The following KCNMB2 variants were observed in gnomAD, a reference collection of about 807,000 sequenced individuals.
KCNMB2 encodes the protein potassium calcium-activated channel subfamily M regulatory beta subunit 2, also known as calcium-activated potassium channel subunit beta-2.
Under a neutral mutation model 24.5 loss-of-function variants are expected in KCNMB2, and 9 were observed. The observed-to-expected ratio is 0.37, with a 90% CI of 0.22 to 0.64. KCNMB2 has a LOEUF of 0.64. Ranked by LOEUF, KCNMB2 falls within the 30% of genes least tolerant of loss-of-function variation. The pLI, the probability that KCNMB2 is intolerant of heterozygous loss-of-function variation, is 0.63. For missense variants in KCNMB2, 226 were observed against 284.3 expected (o/e 0.79, Z 1.47); for synonymous variants, 109 against 104.4 (o/e 1.04, Z -0.27).
At chr3:178,831,708 T>C (rs1485112493) in intron 4 of KCNMB2, among the ~76,000 whole-genome samples, 3 of 152,038 alleles carry the variant, frequency 2.0e-5, no homozygotes, top group Non-Finnish European at 2.9e-5. Flanking sequence ...TGAGTACACA[T>C]GGACATAATG....
intron 1 of KCNMB2, among the ~76,000 whole-genome samples, chr3:178,717,939 G>A (rs1288935764): frequency 1.3e-5 from 2 of 151,270 alleles, no homozygotes; most frequent in Non-Finnish European, 2.9e-5. Flanking sequence ...AGAATCTGAA[G>A]TGAGATCACC....
Position 178,842,749 on chromosome 3 carries a change from T to C in KCNMB2, c.520T>C (p.Cys174Arg). 6.2e-7 allele frequency: 1 copy of C among 1,613,532 alleles called. No homozygotes were observed. Among genetic ancestry groups the C allele is most frequent in the Non-Finnish European group, 8.5e-7 (1 of 1,179,408 alleles). The change falls in exon 5 of 5, where the codon TGC becomes CGC. Residue 174 changes from cysteine (C) to arginine (R), a missense_variant. By Grantham distance (180) the Cys-to-Arg change is radical. Transcript: ENST00000452583. ...ENFRKYQHFSCYSDPEGNQKS... is the reference protein window; with the variant it reads ...ENFRKYQHFSRYSDPEGNQKS... ...CTTCAGGAAGTATCAACACTTCTCC[T>C]GCTATTCTGACCCAGAAGGAAACCA... is the stretch of plus-strand genomic sequence containing the variant.
At chr3:178,630,205 A>G (rs1248041564) in intron 1 of KCNMB2, among the ~76,000 whole-genome samples, 1 of 152,230 alleles carries the variant, frequency 6.6e-6, no homozygotes, top group Non-Finnish European at 1.5e-5. Context: ...ATGACAAGAA[A>G]GATGGTATCA....
At chr3:178,733,960 A>C (rs191688398) in intron 1 of KCNMB2, among the ~76,000 whole-genome samples, 1 of 152,334 alleles carries the variant, frequency 6.6e-6, no homozygotes, top group African/African-American at 2.4e-5. Context: ...TTCTAGGTGT[A>C]TTTTAAAAGC....
Position 178,776,779 on chromosome 3 carries a change from A to G in KCNMB2, c.-67-30564A>G, listed in dbSNP as rs150020317. On this transcript the variant is annotated intron_variant, in intron 1 of 4. Transcript: ENST00000452583. ...TCCTCAGAAGTAATTAGATGACACC[A>G]GAAGTTGTATAATCAGAAAAACAGA... is the stretch of plus-strand genomic sequence containing the variant. Among the ~76,000 whole-genome samples the G allele has an allele frequency of 1.9e-3, 294 of 152,318 alleles. 3 individuals carry two copies. Among genetic ancestry groups the G allele is most frequent in the African/African-American group, 6.6e-3 (274 of 41,570 alleles).
At chr3:178,595,059 CA>C (rs57471892) in intron 1 of KCNMB2, among the ~76,000 whole-genome samples, 1,791 of 123,722 alleles carry the variant, frequency 0.014, 25 homozygotes, top group Admixed American at 0.02. Context: ...ACAGTATTTG[CA>C]AAAAAAAAAA....
At chr3:178,553,029 G>T (rs1350589180) in intron 1 of KCNMB2, among the ~76,000 whole-genome samples, 2 of 152,172 alleles carry the variant, frequency 1.3e-5, no homozygotes, top group Non-Finnish European at 1.5e-5. Flanking sequence ...ATCTTAGCTG[G>T]ATTTTTGTCA....
intron 1 of KCNMB2, among the ~76,000 whole-genome samples, chr3:178,577,668 G>C (rs1006048713): frequency 2.0e-5 from 3 of 152,036 alleles, no homozygotes; most frequent in Non-Finnish European, 4.4e-5. Context: ...GTTTAGAGAA[G>C]AACACAAACA....
At chr3:178,636,033 T>C (rs979388431) in intron 1 of KCNMB2, among the ~76,000 whole-genome samples, 1 of 152,212 alleles carries the variant, frequency 6.6e-6, no homozygotes, top group African/African-American at 2.4e-5. Flanking sequence ...TTTCCCAAGC[T>C]AAAGTAATTT....
chr3:178,636,746 T>C (rs1200655426), intron 1 of KCNMB2, among the ~76,000 whole-genome samples: 1 of 152,188 alleles, frequency 6.6e-6, no homozygotes, highest in Non-Finnish European at 1.5e-5. Flanking sequence ...TTTTATTTTC[T>C]TCAACTTTTA....
intron 1 of KCNMB2, among the ~76,000 whole-genome samples, chr3:178,772,390 A>G (rs1712408370): frequency 6.6e-6 from 1 of 152,098 alleles, no homozygotes; most frequent in African/African-American, 2.4e-5. Context: ...GATGCAACTG[A>G]ATTTTGGGGG....
chr3:178,825,667 C>G lies in KCNMB2; in HGVS notation c.136C>G (p.Arg46Gly). Residue 46 changes from arginine (R) to glycine (G), a missense_variant, in exon 3 of 5, where the codon CGA becomes GGA. Coordinates refer to ENST00000452583, the MANE Select transcript of KCNMB2 (RefSeq NM_181361.3). ...TVTALKAGEDRAILLGLAMMV... is the reference protein window; with the variant it reads ...TVTALKAGEDGAILLGLAMMV... ...CACAGCACTGAAGGCAGGAGAGGAC[C>G]GAGCTATTCTCCTGGGACTGGCTAT... The G allele has an allele frequency of 6.2e-7, 1 of 1,613,798 alleles. No individual in the cohort carries two copies. The highest frequency in any genetic ancestry group is 8.5e-7 in the Non-Finnish European group (1 of 1,179,732).
intron 1 of KCNMB2, among the ~76,000 whole-genome samples, chr3:178,733,701 G>C (rs1186467849): frequency 6.6e-6 from 1 of 152,042 alleles, no homozygotes; most frequent in Non-Finnish European, 1.5e-5. Flanking sequence ...GGATGGTCTT[G>C]ATCTCCTGAC....
intron 1 of KCNMB2, among the ~76,000 whole-genome samples, chr3:178,620,118 TA>T (rs1718855142): frequency 6.6e-6 from 1 of 152,222 alleles, no homozygotes; most frequent in East Asian, 1.9e-4. Flanking sequence ...GGAATGTTTA[TA>T]TATATTATGA....
At chr3:178,553,296 T>C (rs1175031206) in intron 1 of KCNMB2, among the ~76,000 whole-genome samples, 1 of 152,218 alleles carries the variant, frequency 6.6e-6, no homozygotes, top group Non-Finnish European at 1.5e-5. Flanking sequence ...GAAATCCTGG[T>C]TTGTGGCTAG....
rs1037280353 is a variant in KCNMB2, at chr3:178,625,549, T to C, written c.-68+88838T>C. Among the ~76,000 whole-genome samples, 82 of 152,120 alleles carry C rather than the reference T, an allele frequency of 5.4e-4. 1 individual carries two copies. Among genetic ancestry groups the C allele is most frequent in the Non-Finnish European group, 4.4e-5 (3 of 68,022 alleles). On this transcript the variant is annotated intron_variant, in intron 1 of 4. Coordinates refer to ENST00000452583, the MANE Select transcript of KCNMB2 (RefSeq NM_181361.3). ...AGGTGCTTGACTATTATCTAACTCA[T>C]AGCAAAGTCTATCAGGAAGATAGAG...
chr3:178,763,165 T>C (rs1711977118), intron 1 of KCNMB2, among the ~76,000 whole-genome samples: 2 of 152,172 alleles, frequency 1.3e-5, no homozygotes, highest in African/African-American at 4.8e-5. Context: ...GGTGAAGATA[T>C]GAATTAATTG....
intron 1 of KCNMB2, among the ~76,000 whole-genome samples, chr3:178,539,826 G>T (rs916563669): frequency 5.9e-5 from 9 of 151,864 alleles, no homozygotes; most frequent in Non-Finnish European, 1.2e-4. Context: ...TCTCCTGCTG[G>T]TTCCTTATTA....
chr3:178,828,128 C>T (rs1300017705), intron 3 of KCNMB2, 50 bp from the exon 4 acceptor site: 2 of 1,362,732 alleles, frequency 1.5e-6, no homozygotes, highest in East Asian at 2.3e-5. Flanking sequence ...CTATACCTTT[C>T]TCACTATTAG....
Sources: gnomAD v4.1 joint callset for allele counts (sites outside exome capture counted in the v4.1 genomes callset) on GRCh38, gnomAD v4.1.1 for gene constraint, MANE v1.5 for transcripts, NCBI Gene and HGNC (gene_info 2026-07-23, HGNC 2026-07-21) for gene names.